The following SLC4A4 variants were observed in gnomAD, a reference collection of about 807,000 sequenced individuals.
SLC4A4 encodes electrogenic sodium bicarbonate cotransporter 1.
A neutral mutation model predicts 111.5 loss-of-function variants in SLC4A4; 27 were observed. The ratio of observed to expected loss-of-function variants is 0.24; its 90% CI spans 0.18 to 0.33. The LOEUF is 0.33. Among genes scored for constraint, SLC4A4 ranks in the 10% least tolerant of loss-of-function variants. The pLI is 1.00. For missense variants in SLC4A4, 909 were observed against 1,315.5 expected, an observed-to-expected ratio of 0.69 and a Z score of 4.78; for synonymous variants, 443 against 463.4, an observed-to-expected ratio of 0.96 and a Z score of 0.57.
intron 3 of SLC4A4, among the ~76,000 whole-genome samples, chr4:71,321,660 A>G (rs978759677): frequency 6.6e-6 from 1 of 151,978 alleles, no homozygotes; most frequent in Non-Finnish European, 1.5e-5. Context: ...GGCAGAAGGC[A>G]TCACAAAGCA....
At chr4:71,234,436 T>A (rs1719657223) in intron 1 of SLC4A4, among the ~76,000 whole-genome samples, 1 of 151,946 alleles carries the variant, frequency 6.6e-6, no homozygotes, top group Non-Finnish European at 1.5e-5. Flanking sequence ...AAGTCTTTTC[T>A]TTTTTTTGAG....
intron 2 of SLC4A4, among the ~76,000 whole-genome samples, chr4:71,170,689 T>TC (rs1429584444): frequency 6.6e-6 from 1 of 152,186 alleles, no homozygotes; most frequent in Non-Finnish European, 1.5e-5. Flanking sequence ...TTTCCTACTT[T>TC]CACAGAGCCT....
At chr4:71,446,817 A>T (rs899403974) in intron 8 of SLC4A4, among the ~76,000 whole-genome samples, 1 of 151,914 alleles carries the variant, frequency 6.6e-6, no homozygotes, top group Non-Finnish European at 1.5e-5. Context: ...TTTTTTGTAA[A>T]TTTTTTCTTA....
intron 18 of SLC4A4, among the ~76,000 whole-genome samples, chr4:71,543,767 G>A (rs940176829): frequency 6.6e-6 from 1 of 151,942 alleles, no homozygotes; most frequent in Non-Finnish European, 1.5e-5. Context: ...TACCCTGCTG[G>A]TACTTCTAAT....
intron 6 of SLC4A4, among the ~76,000 whole-genome samples, chr4:71,393,454 C>T (rs13128403): frequency 0.14 from 21,838 of 152,052 alleles, 1,878 homozygotes; most frequent in South Asian, 0.29. Flanking sequence ...ATATACCTAA[C>T]GAAGGAGGCG....
At chr4:71,461,470 C>T (rs1055328456) in intron 12 of SLC4A4, among the ~76,000 whole-genome samples, 2 of 151,998 alleles carry the variant, frequency 1.3e-5, no homozygotes, top group Non-Finnish European at 1.5e-5. Context: ...TAGTGTTATA[C>T]GAAGAAACCA....
chr4:71,338,741 AT>A (rs1049222009), intron 3 of SLC4A4, among the ~76,000 whole-genome samples: 1 of 149,344 alleles, frequency 6.7e-6, no homozygotes, highest in Non-Finnish European at 1.5e-5. Context: ...AGTGTACAAT[AT>A]TTTACTTGGG....
At chr4:71,552,748 A>C (rs1277406473) in intron 20 of SLC4A4, among the ~76,000 whole-genome samples, 1 of 151,480 alleles carries the variant, frequency 6.6e-6, no homozygotes, top group Non-Finnish European at 1.5e-5. Context: ...CCTTTACATA[A>C]TTTTATCATT....
intron 3 of SLC4A4, among the ~76,000 whole-genome samples, chr4:71,304,871 A>G (rs1725558376): frequency 6.6e-6 from 1 of 152,228 alleles, no homozygotes; most frequent in African/African-American, 2.4e-5. Context: ...CTTTTACAAA[A>G]TTTTAATTTT....
intron 16 of SLC4A4, among the ~76,000 whole-genome samples, chr4:71,516,807 A>G (rs1578094090): frequency 6.6e-6 from 1 of 152,056 alleles, no homozygotes; most frequent in Admixed American, 6.5e-5. Context: ...TATGTGTTCT[A>G]TTCGAGGTAT....
chr4:71,236,999 T>C (rs1719859556), intron 2 of SLC4A4, among the ~76,000 whole-genome samples: 1 of 152,238 alleles, frequency 6.6e-6, no homozygotes, highest in Non-Finnish European at 1.5e-5. Flanking sequence ...TATAAATATA[T>C]TCAGCAGCAT....
intron 3 of SLC4A4, among the ~76,000 whole-genome samples, chr4:71,303,770 C>T (rs1346107453): frequency 3.3e-5 from 5 of 151,876 alleles, no homozygotes; most frequent in Non-Finnish European, 7.4e-5. Flanking sequence ...TCTTCTTCCC[C>T]TCCCTCCCTT....
At position 71,418,674 on chromosome 4, in the gene SLC4A4, T is replaced by C. The variant is rs564250682; in HGVS notation, c.807+21021T>C. On this transcript the variant is annotated intron_variant, in intron 7 of 25. Transcript: ENST00000264485. ...TTCCATTAACAACAAAACAAAAATA[T>C]GTTTCTAGTAATTATCCCAGGGGTT... Among the ~76,000 whole-genome samples, 35 of 152,300 alleles carry C rather than the reference T, an allele frequency of 2.3e-4. No individual in the cohort carries two copies. In the East Asian group the frequency reaches 2.9e-3, roughly 13 times the overall value.
chr4:71,350,363 T>A (rs371305626), intron 5 of SLC4A4, among the ~76,000 whole-genome samples: 66 of 152,122 alleles, frequency 4.3e-4, no homozygotes, highest in East Asian at 3.1e-3. Context: ...TTTTTGATTT[T>A]TTTTATTTTA....
intron 4 of SLC4A4, among the ~76,000 whole-genome samples, chr4:71,348,715 C>A (rs1330333931): frequency 6.6e-6 from 1 of 152,030 alleles, no homozygotes; most frequent in Non-Finnish European, 1.5e-5. Flanking sequence ...GTGGGCTGAT[C>A]GCTTGATCTA....
chr4:71,136,666 T>G (rs1381490745), intron 2 of SLC4A4, among the ~76,000 whole-genome samples: 1 of 152,184 alleles, frequency 6.6e-6, no homozygotes. Context: ...TATGTAACTT[T>G]GAGCAAGTTA....
chr4:71,277,166 C>CAA (rs1175882742), intron 3 of SLC4A4, among the ~76,000 whole-genome samples: 3 of 152,216 alleles, frequency 2.0e-5, no homozygotes, highest in Non-Finnish European at 4.4e-5. Flanking sequence ...CCCAGTAGTA[C>CAA]AATTGCTTGG....
chr4:71,141,237 G>A (rs1743986015), intron 2 of SLC4A4, among the ~76,000 whole-genome samples: 1 of 152,104 alleles, frequency 6.6e-6, no homozygotes, highest in Admixed American at 6.6e-5. Flanking sequence ...CCACATATAA[G>A]TGAAAAATGT....
chr4:71,426,693 G>A (rs1305993933), intron 7 of SLC4A4, among the ~76,000 whole-genome samples: 1 of 152,034 alleles, frequency 6.6e-6, no homozygotes, highest in Non-Finnish European at 1.5e-5. Context: ...CCTTGTTGGA[G>A]GCTAATTTTA....
Sources: gnomAD v4.1 joint callset for allele counts (sites outside exome capture counted in the v4.1 genomes callset) on GRCh38, gnomAD v4.1.1 for gene constraint, MANE v1.5 for transcripts, NCBI Gene and HGNC (gene_info 2026-07-23, HGNC 2026-07-21) for gene names.